ADGRL2: variants seen among roughly 807,000 people sequenced by gnomAD.
The protein encoded by ADGRL2 is adhesion G protein-coupled receptor L2.
A neutral mutation model predicts 157.4 loss-of-function variants in ADGRL2; 44 were observed. The ratio of observed to expected loss-of-function variants is 0.28; its 90% CI spans 0.22 to 0.36. The LOEUF is 0.36. Among genes scored for constraint, ADGRL2 ranks in the 10% least tolerant of loss-of-function variants. ADGRL2 has a pLI of 1.00. For missense variants in ADGRL2, 1,510 were observed against 1,768.9 expected, an observed-to-expected ratio of 0.85 and a Z score of 2.63; for synonymous variants, 585 against 624.7, an observed-to-expected ratio of 0.94 and a Z score of 0.95.
intron 1 of ADGRL2, among the ~76,000 whole-genome samples, chr1:81,438,680 G>A (rs759686722): frequency 2.6e-5 from 4 of 152,176 alleles, no homozygotes; most frequent in Non-Finnish European, 5.9e-5. Flanking sequence ...ATGGTTTTGT[G>A]AAGAAAGGAG....
intron 2 of ADGRL2, among the ~76,000 whole-genome samples, chr1:81,540,934 G>A (rs1170020376): frequency 6.6e-6 from 1 of 152,072 alleles, no homozygotes; most frequent in African/African-American, 2.4e-5. Context: ...AAAAATACCT[G>A]TATAAAGTGC....
intron 1 of ADGRL2, among the ~76,000 whole-genome samples, chr1:81,347,603 C>G (rs1662574551): frequency 6.6e-6 from 1 of 151,992 alleles, no homozygotes; most frequent in South Asian, 2.1e-4. Flanking sequence ...CATGGGTCCT[C>G]CTTATGCTTA....
chr1:81,623,809 G>A (rs1557515119), intron 3 of ADGRL2, among the ~76,000 whole-genome samples: 1 of 151,858 alleles, frequency 6.6e-6, no homozygotes, highest in African/African-American at 2.4e-5. Flanking sequence ...GCTAATTTTT[G>A]TATTTTTAGT....
intron 3 of ADGRL2, among the ~76,000 whole-genome samples, chr1:81,634,023 T>C (rs1344775206): frequency 6.6e-6 from 1 of 152,004 alleles, no homozygotes; most frequent in Non-Finnish European, 1.5e-5. Context: ...TATATAAAAA[T>C]GAGAAAATGT....
intron 1 of ADGRL2, among the ~76,000 whole-genome samples, chr1:81,826,159 C>CACACACATATATTTAGTAT (rs1254181743): frequency 2.1e-4 from 32 of 152,116 alleles, no homozygotes; most frequent in African/African-American, 5.8e-4. Flanking sequence ...TGTGTGTATC[C>CACACACATATATTTAGTAT]ATGCATACAT....
chr1:81,820,511 T>TG (rs2090875565), intron 1 of ADGRL2, among the ~76,000 whole-genome samples: 1 of 152,134 alleles, frequency 6.6e-6, no homozygotes, highest in Non-Finnish European at 1.5e-5. Flanking sequence ...GTGGCCCTTT[T>TG]GGTATCCGTT....
intron 3 of ADGRL2, among the ~76,000 whole-genome samples, chr1:81,912,549 T>C (rs1434423297): frequency 2.6e-5 from 4 of 152,158 alleles, no homozygotes; most frequent in Non-Finnish European, 5.9e-5. Flanking sequence ...GAAACAAATG[T>C]AAACATAAAG....
At chr1:81,475,352 A>G (rs2078251232) in intron 2 of ADGRL2, among the ~76,000 whole-genome samples, 1 of 152,070 alleles carries the variant, frequency 6.6e-6, no homozygotes, top group South Asian at 2.1e-4. Context: ...TTTTATTACT[A>G]TTGTTTACGT....
chr1:81,354,349 C>T (rs1308495675), intron 1 of ADGRL2, among the ~76,000 whole-genome samples: 2 of 152,300 alleles, frequency 1.3e-5, no homozygotes, highest in Non-Finnish European at 2.9e-5. Flanking sequence ...AATTCCTAAT[C>T]GGATTCTAAG....
chr1:81,637,064 G>T (rs1368246013), intron 3 of ADGRL2, among the ~76,000 whole-genome samples: 2 of 152,040 alleles, frequency 1.3e-5, no homozygotes, highest in South Asian at 4.1e-4. Flanking sequence ...GGTTGGTCTC[G>T]AACTCCTGAC....
chr1:81,809,999 T>G (rs1396854046), intron 1 of ADGRL2, among the ~76,000 whole-genome samples: 1 of 151,972 alleles, frequency 6.6e-6, no homozygotes, highest in Non-Finnish European at 1.5e-5. Context: ...TGGATTTAGA[T>G]GACAGCATAA....
intron 2 of ADGRL2, among the ~76,000 whole-genome samples, chr1:81,516,531 A>G (rs2079182130): frequency 1.3e-5 from 2 of 152,252 alleles, no homozygotes; most frequent in Admixed American, 1.3e-4. Context: ...TTTTCCATGA[A>G]TAAGGCTAGT....
At chr1:81,628,248 G>C (rs1332500124) in intron 3 of ADGRL2, among the ~76,000 whole-genome samples, 1 of 152,172 alleles carries the variant, frequency 6.6e-6, no homozygotes, top group Non-Finnish European at 1.5e-5. Flanking sequence ...AGGGCAACTT[G>C]AAAAGTGGAG....
chr1:81,835,027 G>C (rs1195000888), intron 1 of ADGRL2, among the ~76,000 whole-genome samples: 2 of 152,048 alleles, frequency 1.3e-5, no homozygotes, highest in Non-Finnish European at 2.9e-5. Flanking sequence ...TTCCTACAAA[G>C]CAGTCATCAG....
intron 1 of ADGRL2, among the ~76,000 whole-genome samples, chr1:81,389,064 T>C (rs2101103158): frequency 6.6e-6 from 1 of 152,322 alleles, no homozygotes; most frequent in African/African-American, 2.4e-5. Flanking sequence ...CTTGCTTCTC[T>C]GGATCCCCAC....
intron 2 of ADGRL2, among the ~76,000 whole-genome samples, chr1:81,553,705 C>T (rs2080206168): frequency 6.6e-6 from 1 of 152,128 alleles, no homozygotes; most frequent in African/African-American, 2.4e-5. Context: ...CTGTAAGAAT[C>T]AATACTTTGG....
rs139734652 is a variant in ADGRL2 at position 81,657,796 on chromosome 1, C to T, written c.-143+76816C>T. Among the ~76,000 whole-genome samples the T allele has an allele frequency of 3.7e-4, 57 of 152,268 alleles. No homozygotes were observed. The East Asian group carries it at 0.01, about 28-fold the overall frequency. ...GAGTATGACCAGAAACTACAGGATA[C>T]ATCCAAAAATCAAATTTATTTTTAA... On this transcript the variant is annotated intron_variant, in intron 3 of 24. Transcript: ENST00000370721.
intron 2 of ADGRL2, among the ~76,000 whole-genome samples, chr1:81,483,627 G>A (rs1292352147): frequency 2.6e-5 from 4 of 152,098 alleles, no homozygotes; most frequent in South Asian, 4.1e-4. Context: ...TCAAGAATCC[G>A]GGCATGGCGA....
chr1:81,523,805 T>C (rs2079382201), intron 2 of ADGRL2, among the ~76,000 whole-genome samples: 1 of 152,234 alleles, frequency 6.6e-6, no homozygotes, highest in African/African-American at 2.4e-5. Context: ...GGCTTGTGCC[T>C]GTAATCCCAG....
Sources: allele counts gnomAD v4.1 joint callset (sites outside exome capture counted in the v4.1 genomes callset), GRCh38; gene constraint gnomAD v4.1.1; transcripts MANE v1.5; gene names NCBI Gene and HGNC (gene_info 2026-07-23, HGNC 2026-07-21).